Variants in TYW3 observed in about 807,000 individuals in gnomAD.
The protein encoded by TYW3 is tRNA wybutosine-synthesizing protein 3 homolog.
TYW3 carries 26 observed loss-of-function variants against 23.1 expected under a neutral mutation model. That is an observed-to-expected ratio of 1.13 (90% CI 0.83 to 1.56). TYW3 has a LOEUF of 1.56. Ranked by LOEUF, TYW3 falls within the 40% of genes most tolerant of loss-of-function variation. The pLI is 0.00. For missense variants in TYW3, 316 were observed against 311.9 expected (o/e 1.01, Z -0.10); for synonymous variants, 102 against 105.7 (o/e 0.97, Z 0.21).
intron 5 of TYW3, among the ~76,000 whole-genome samples, chr1:74,756,330 C>G (rs1475363866): frequency 6.6e-6 from 1 of 152,094 alleles, no homozygotes; most frequent in Non-Finnish European, 1.5e-5. Flanking sequence ...TTGGAACTTC[C>G]TAGAGACTTG....
intron 5 of TYW3, among the ~76,000 whole-genome samples, chr1:74,757,752 A>G (rs1649000562): frequency 6.6e-6 from 1 of 152,138 alleles, no homozygotes; most frequent in African/African-American, 2.4e-5. Flanking sequence ...GGGAGGGGCC[A>G]GTGGGGCAAC....
chr1:74,739,219 A>G (rs185591290), intron 3 of TYW3, among the ~76,000 whole-genome samples: 134 of 152,308 alleles, frequency 8.8e-4, no homozygotes, highest in African/African-American at 3.1e-3. Flanking sequence ...ATTTATATAT[A>G]AAACTGAATT....
At chr1:74,758,483 C>T (rs936461553) in intron 5 of TYW3, among the ~76,000 whole-genome samples, 18 of 147,414 alleles carry the variant, frequency 1.2e-4, no homozygotes, top group Admixed American at 7.5e-4. Context: ...TGATTCTTAT[C>T]GTCATTTACC....
At chr1:74,738,900 T>C (rs1222686429) in intron 3 of TYW3, 112 bp downstream of exon 3, 6 of 603,026 alleles carry the variant, frequency 9.9e-6, no homozygotes, top group Middle Eastern at 4.6e-4. Flanking sequence ...CAACTAGTTA[T>C]GTATATATTA....
Position 74,766,633 on chromosome 1 carries a change from G to A in TYW3, c.*2520G>A, listed in dbSNP as rs1680883878. On this transcript the variant is annotated 3_prime_UTR_variant, in exon 6 of 6. Transcript: ENST00000370867. Reference sequence around the variant, plus strand: ...AGTTTATAAACCAAATGTTCATTGTGAGCCAAGGTTAATTTATTGAAGAAA... The same window carrying A: ...AGTTTATAAACCAAATGTTCATTGTAAGCCAAGGTTAATTTATTGAAGAAA... The A allele has an allele frequency of 6.6e-6, 1 of 152,178 alleles. No individual in the cohort carries two copies. Among genetic ancestry groups the A allele is most frequent in the Non-Finnish European group, 1.5e-5 (1 of 68,016 alleles). The allele number at this position is 152,178 out of a possible 1,614,324, so 9.4% of individuals were successfully genotyped here.
rs1011117945 is a variant in TYW3, at chr1:74,733,299, G to A, written c.55G>A (p.Asp19Asn). The change falls in exon 1 of 6, where the codon GAC (aspartate) becomes AAC (asparagine). Residue 19 changes from aspartate (D) to asparagine (N), a missense_variant. Asp to Asn is a conservative substitution (Grantham distance 23, BLOSUM62 1). Coordinates refer to ENST00000370867, the MANE Select transcript of TYW3 (RefSeq NM_138467.3). Reference sequence around the variant, plus strand: ...GAAGGCGCAATGTTTGAGCAAAGCGGACCTCAGCCGGAAGGGCAGTGTTGA... The same window carrying A: ...GAAGGCGCAATGTTTGAGCAAAGCGAACCTCAGCCGGAAGGGCAGTGTTGA... ...KWKAQCLSKA[D>N]LSRKGSVDED... 4 of 1,614,236 alleles carry A rather than the reference G, an allele frequency of 2.5e-6. No homozygotes were observed. The highest frequency in any genetic ancestry group is 1.7e-5 in the Admixed American group (1 of 60,022).
At chr1:74,752,812 A>T (rs1648832556) in intron 5 of TYW3, among the ~76,000 whole-genome samples, 1 of 152,172 alleles carries the variant, frequency 6.6e-6, no homozygotes, top group Non-Finnish European at 1.5e-5. Context: ...GAGATTACCT[A>T]GTCTTTCCTG....
intron 1 of TYW3, among the ~76,000 whole-genome samples, chr1:74,735,717 A>G (rs1014885756): frequency 6.6e-6 from 1 of 152,224 alleles, no homozygotes; most frequent in African/African-American, 2.4e-5. Context: ...ACAATGTCAG[A>G]TACGTAAGTC....
chr1:74,749,393 C>T (rs1476032789), intron 4 of TYW3, among the ~76,000 whole-genome samples: 1 of 152,198 alleles, frequency 6.6e-6, no homozygotes, highest in African/African-American at 2.4e-5. Flanking sequence ...TGTTTACTAT[C>T]TATCCTTTTA....
At chr1:74,750,800 C>CT (rs34468239) in intron 4 of TYW3, among the ~76,000 whole-genome samples, 21,060 of 67,478 alleles carry the variant, frequency 0.31, 3,664 homozygotes, top group Non-Finnish European at 0.41. Flanking sequence ...TCCCCCGCTC[C>CT]TTTTTTTTTT....
intron 5 of TYW3, 65 bp downstream of exon 5, chr1:74,752,490 C>G: frequency 7.0e-7 from 1 of 1,421,352 alleles, no homozygotes; most frequent in African/African-American, 1.4e-5. Context: ...AACATTAATA[C>G]TTACTATCTT....
chr1:74,748,706 G>C (rs749690), intron 3 of TYW3, 45 bp from the exon 4 acceptor site: 758,622 of 1,558,964 alleles, frequency 0.49, 199,948 homozygotes, highest in Non-Finnish European at 0.55. Flanking sequence ...CAGATGATCT[G>C]GTTACCCACA....
chr1:74,740,197 C>T (rs1342286334), intron 3 of TYW3, among the ~76,000 whole-genome samples: 2 of 152,138 alleles, frequency 1.3e-5, no homozygotes, highest in Non-Finnish European at 2.9e-5. Flanking sequence ...CCAGTGGGTT[C>T]GTGGTCTTGC....
chr1:74,764,192 T>C lies in TYW3; in HGVS notation c.*79T>C. On this transcript the variant is annotated 3_prime_UTR_variant, in exon 6 of 6. Transcript: ENST00000370867. ...TGCTCTTCATAAGAGTATTTTAGTTTGTTGAGTGTATCAGCCATTCATAAG... is the reference window on the plus strand; with the variant it reads ...TGCTCTTCATAAGAGTATTTTAGTTCGTTGAGTGTATCAGCCATTCATAAG... 1 of 1,299,202 alleles carries C rather than the reference T, an allele frequency of 7.7e-7. No individual in the cohort carries two copies. The highest frequency in any genetic ancestry group is 1.1e-6 in the Non-Finnish European group (1 of 934,980). The allele number at this position is 1,299,202 out of a possible 1,614,324, so 80.5% of individuals were successfully genotyped here.
rs779734423 is a variant in TYW3, at chr1:74,748,755, C to G, written c.359C>G (p.Ser120Cys). Residue 120 changes from serine (S) to cysteine (C), a missense_variant, in exon 4 of 6, where the codon TCC becomes TGC. By Grantham distance (112) the Ser-to-Cys change is moderately radical. Transcript: ENST00000370867. ...RQLQDAQILHSMAIDSGFRNS... is the reference protein window; with the variant it reads ...RQLQDAQILHCMAIDSGFRNS... ...ACAAGTTTTATTTTCTTACAGCATTCCATGGCAATAGATTCTGGTTTCAGG... is the reference window on the plus strand; with the variant it reads ...ACAAGTTTTATTTTCTTACAGCATTGCATGGCAATAGATTCTGGTTTCAGG... 6.2e-7 allele frequency: 1 copy of G among 1,613,900 alleles called. No individual in the cohort carries two copies. Among genetic ancestry groups the G allele is most frequent in the East Asian group, 2.2e-5 (1 of 44,844 alleles).
chr1:74,739,104 G>GT (rs1177301476), intron 3 of TYW3, among the ~76,000 whole-genome samples: 2 of 152,112 alleles, frequency 1.3e-5, no homozygotes, highest in African/African-American at 4.8e-5. Context: ...GGAACTACAT[G>GT]TAAAATTAAG....
At chr1:74,759,461 C>A (rs1649062616) in intron 5 of TYW3, among the ~76,000 whole-genome samples, 1 of 151,070 alleles carries the variant, frequency 6.6e-6, no homozygotes, top group Non-Finnish European at 1.5e-5. Flanking sequence ...GTGATTGTCA[C>A]ACCTTAGCCT....
At chr1:74,759,107 T>G (rs1649047796) in intron 5 of TYW3, among the ~76,000 whole-genome samples, 1 of 152,214 alleles carries the variant, frequency 6.6e-6, no homozygotes, top group South Asian at 2.1e-4. Flanking sequence ...TTTTAAGGCT[T>G]CAAAGCATTA....
Position 74,752,495 on chromosome 1 carries a change from T to C in TYW3, c.560+70T>C, listed in dbSNP as rs1216385052. The C allele has an allele frequency of 2.2e-6, 3 of 1,376,598 alleles. No individual in the cohort carries two copies. In the African/African-American group the frequency reaches 4.3e-5, roughly 20 times the overall value. 85.3% of individuals were successfully genotyped at this position (1,376,598 alleles called of 1,614,324 possible). A position where few individuals can be genotyped will look rare whatever the true frequency, so the allele number is the denominator to read the frequency against. On this transcript the variant is annotated intron_variant, in intron 5 of 5. Transcript: ENST00000370867. Reference sequence around the variant, plus strand: ...CATCCTTGAAAACATTAATACTTACTATCTTCAGTTTATAATGCCAACTGC... The same window carrying C: ...CATCCTTGAAAACATTAATACTTACCATCTTCAGTTTATAATGCCAACTGC...
Sources: gnomAD v4.1 joint callset for allele counts (sites outside exome capture counted in the v4.1 genomes callset) on GRCh38, gnomAD v4.1.1 for gene constraint, MANE v1.5 for transcripts, NCBI Gene and HGNC (gene_info 2026-07-23, HGNC 2026-07-21) for gene names.